TIMP2: variants seen among roughly 807,000 people sequenced by gnomAD.
TIMP2 encodes metalloproteinase inhibitor 2.
A neutral mutation model predicts 24.3 loss-of-function variants in TIMP2; 5 were observed. That is an observed-to-expected ratio of 0.21 (90% confidence interval 0.11 to 0.43). The LOEUF (loss-of-function observed/expected upper bound fraction) is 0.43. Among genes scored for constraint, TIMP2 ranks in the 20% least tolerant of loss-of-function variants. The probability of loss-of-function intolerance (pLI) is 1.00; values close to 1 mark genes in which losing one functional copy is unlikely to be tolerated. For missense variants in TIMP2, 221 were observed against 297.5 expected (o/e 0.74, Z 1.89); for synonymous variants, 130 against 123.2 (o/e 1.06, Z -0.37).
At position 78,859,059 on chromosome 17, in the gene TIMP2, A is replaced by G. The variant is rs1383561986; in HGVS notation, c.341-1413T>C. ...TATATTGTTTCCTGTTTTGTTTTTC[A>G]CAAAATATTAATTCACAGGTGCTTC... On this transcript the variant is annotated intron_variant, in intron 3 of 4. Coordinates refer to ENST00000262768, the MANE Select transcript of TIMP2 (RefSeq NM_003255.5). Among the ~76,000 whole-genome samples, 2 of 152,174 alleles carry G rather than the reference A, an allele frequency of 1.3e-5. 1 individual carries two copies.
intron 1 of TIMP2, among the ~76,000 whole-genome samples, chr17:78,912,622 G>T (rs530431771): frequency 1.3e-5 from 2 of 152,222 alleles, no homozygotes; most frequent in Non-Finnish European, 2.9e-5. Flanking sequence ...CACCCTGCAG[G>T]TTCCACTTCT....
intron 1 of TIMP2, among the ~76,000 whole-genome samples, chr17:78,887,451 C>G (rs1160872436): frequency 1.3e-5 from 2 of 152,168 alleles, no homozygotes; most frequent in East Asian, 3.9e-4. Flanking sequence ...GTGGCATGAT[C>G]TCAGCTCACT....
At chr17:78,918,065 A>ACACACACGTGC (rs1555652947) in intron 1 of TIMP2, among the ~76,000 whole-genome samples, 21 of 144,934 alleles carry the variant, frequency 1.4e-4, no homozygotes, top group African/African-American at 4.9e-4. Flanking sequence ...TGCACACACA[A>ACACACACGTGC]ACACACACAC....
chr17:78,875,546 T>C (rs1238277515), intron 1 of TIMP2, among the ~76,000 whole-genome samples: 3 of 152,158 alleles, frequency 2.0e-5, no homozygotes, highest in Non-Finnish European at 2.9e-5. Flanking sequence ...CTCCCTTTCT[T>C]AATTTCAAGG....
rs2069883652 is a variant in TIMP2 at position 78,891,053 on chromosome 17, G to C, written c.131-17134C>G. The stretch of plus-strand genomic sequence containing the variant: ...CTGGTCTTGAAGGTGGAGCTGAAGG[G>C]AGCCCTCTGCCAGCGTGCCCAGTTT... On this transcript the variant is annotated intron_variant, in intron 1 of 4. Transcript: ENST00000262768. This position sits in a 1 kb window ranked among gnomAD's most constrained non-coding sequence, Gnocchi z 4.5. 6.4e-7 allele frequency: 1 copy of C among 1,550,964 alleles called. No homozygotes were observed. The highest frequency in any genetic ancestry group is 1.4e-5 in the African/African-American group (1 of 73,034).
rs150875468 is a variant in TIMP2, at chr17:78,878,631, G to C, written c.131-4712C>G. Among the ~76,000 whole-genome samples, 1,373 of 152,236 alleles carry C rather than the reference G, an allele frequency of 9.0e-3. 21 individuals are homozygous for C. The highest frequency in any genetic ancestry group is 0.032 in the African/African-American group (1,324 of 41,540). ...TCCTTCTTTAAAGTGTCAGAAAAGAGGAGGCTGGTCAAATCAAGGGTCCAG... is the reference window on the plus strand; with the variant it reads ...TCCTTCTTTAAAGTGTCAGAAAAGACGAGGCTGGTCAAATCAAGGGTCCAG... On this transcript the variant is annotated intron_variant, in intron 1 of 4. Transcript: ENST00000262768.
At chr17:78,919,108 G>A (rs746598616) in intron 1 of TIMP2, among the ~76,000 whole-genome samples, 6 of 152,252 alleles carry the variant, frequency 3.9e-5, no homozygotes, top group African/African-American at 1.2e-4. Context: ...CAACTTTGGC[G>A]GGCGGCAGCA....
chr17:78,896,609 C>T lies in TIMP2; in HGVS notation c.131-22690G>A, dbSNP rs1283948912. 6.6e-6 allele frequency among the ~76,000 whole-genome samples: 1 copy of T among 152,146 alleles called. No homozygotes were observed. Among genetic ancestry groups the T allele is most frequent in the South Asian group, 2.1e-4 (1 of 4,824 alleles). ...GGCTGCTTTGGTGTTTTCTACTCCC[C>T]TGCTGCCCTCTGGTCCTGCCACCCC... On this transcript the variant is annotated intron_variant, in intron 1 of 4. Transcript: ENST00000262768. The surrounding 1 kb of genome is among the most constrained non-coding windows in gnomAD (Gnocchi z 4.4).
chr17:78,904,398 G>A (rs1203028780), intron 1 of TIMP2: 1 of 152,098 alleles, frequency 6.6e-6, no homozygotes, highest in Non-Finnish European at 1.5e-5. Flanking sequence ...CTTGAGAGAA[G>A]AAGGTAAACA....
At chr17:78,892,207 G>A (rs1204106905) in intron 1 of TIMP2, 1 of 1,550,976 alleles carries the variant, frequency 6.4e-7, no homozygotes, top group African/African-American at 1.4e-5. Context: ...TCCACAGCTT[G>A]GCATCCGCTC....
In TIMP2 at chr17:78,853,837, T is replaced by C. The variant is rs2069502881; in HGVS notation, c.*1830A>G. 6.6e-6 allele frequency: 1 copy of C among 152,462 alleles called. No individual in the cohort carries two copies. Among genetic ancestry groups the C allele is most frequent in the Admixed American group, 6.5e-5 (1 of 15,274 alleles). 9.4% of individuals were successfully genotyped at this position (152,462 alleles called of 1,614,324 possible). On this transcript the variant is annotated 3_prime_UTR_variant, in exon 5 of 5. Coordinates refer to ENST00000262768, the MANE Select transcript of TIMP2 (RefSeq NM_003255.5). ...GTAAATGTTACATATGATATCACCA[T>C]ACAGGAAGCGAACAGGGGTGGGGTG...
intron 1 of TIMP2, among the ~76,000 whole-genome samples, chr17:78,909,022 G>A (rs2070184888): frequency 6.6e-6 from 1 of 152,184 alleles, no homozygotes; most frequent in African/African-American, 2.4e-5. Context: ...GGAGAGTCAT[G>A]TGTGTGCGTG....
chr17:78,895,791 T>C (rs1568002026), intron 1 of TIMP2, among the ~76,000 whole-genome samples: 2 of 152,126 alleles, frequency 1.3e-5, no homozygotes, highest in Admixed American at 6.5e-5. Context: ...TCGGGGCTGC[T>C]GTGAATGCCC....
rs940248032 is a variant in TIMP2 at position 78,914,878 on chromosome 17, C to T, written c.130+10081G>A. Among the ~76,000 whole-genome samples, 15 of 150,646 alleles carry T rather than the reference C, an allele frequency of 1.0e-4. No homozygotes were observed. The South Asian group carries it at 1.0e-3, about 11-fold the overall frequency. On this transcript the variant is annotated intron_variant, in intron 1 of 4. Transcript: ENST00000262768. ...CTGGGATTACAGGTGTAAGCCACCG[C>T]GCCTGGCCAGTCTGGGCTTTTTCTT... is the stretch of plus-strand genomic sequence containing the variant.
Position 78,891,856 on chromosome 17 carries a change from G to C in TIMP2, c.131-17937C>G. On this transcript the variant is annotated intron_variant, in intron 1 of 4. Transcript: ENST00000262768. This position sits in a 1 kb window ranked among gnomAD's most constrained non-coding sequence, Gnocchi z 4.5. ...CCTTTCTCTTCTCAGGCGGGGCCAG[G>C]TGAGAATTCATCCGACCCGTGGCTT... 1 of 1,550,684 alleles carries C rather than the reference G, an allele frequency of 6.4e-7. No homozygotes were observed. Among genetic ancestry groups the C allele is most frequent in the Non-Finnish European group, 8.7e-7 (1 of 1,147,012 alleles).
intron 1 of TIMP2, among the ~76,000 whole-genome samples, chr17:78,894,135 C>T (rs2069961231): frequency 6.6e-6 from 1 of 152,128 alleles, no homozygotes; most frequent in African/African-American, 2.4e-5. Context: ...CCCCTCTGAG[C>T]ACTGGGCATG....
At chr17:78,880,504 T>C (rs1218906169) in intron 1 of TIMP2, among the ~76,000 whole-genome samples, 2 of 151,158 alleles carry the variant, frequency 1.3e-5, no homozygotes, top group Admixed American at 6.6e-5. Flanking sequence ...CTGAGCAACA[T>C]AGCAATACCT....
chr17:78,883,837 C>A (rs1423018825), intron 1 of TIMP2, among the ~76,000 whole-genome samples: 6 of 152,222 alleles, frequency 3.9e-5, no homozygotes, highest in East Asian at 1.9e-4. Flanking sequence ...AGGGCCCTGC[C>A]CCCTCCCTCT....
rs948825078 is a variant in TIMP2 at position 78,891,097 on chromosome 17, T to C, written c.131-17178A>G. The C allele has an allele frequency of 4.5e-6, 7 of 1,550,728 alleles. No individual in the cohort carries two copies. The highest frequency in any genetic ancestry group is 2.0e-5 in the Admixed American group (1 of 50,980). ...CCAGTTTGGGGGTCTCTTGTCCAGATTCAGTGCTATACAATAATGAGTCCT... is the reference window on the plus strand; with the variant it reads ...CCAGTTTGGGGGTCTCTTGTCCAGACTCAGTGCTATACAATAATGAGTCCT... On this transcript the variant is annotated intron_variant, in intron 1 of 4. Coordinates refer to ENST00000262768, the MANE Select transcript of TIMP2 (RefSeq NM_003255.5). The surrounding 1 kb of genome is among the most constrained non-coding windows in gnomAD (Gnocchi z 4.5).
Sources: allele counts gnomAD v4.1 joint callset (sites outside exome capture counted in the v4.1 genomes callset), GRCh38; gene constraint gnomAD v4.1.1; non-coding constraint Gnocchi (gnomAD v3.1); transcripts MANE v1.5; gene names NCBI Gene and HGNC (gene_info 2026-07-23, HGNC 2026-07-21).